Variants in CTTNBP2NL observed in about 807,000 individuals in gnomAD.
CTTNBP2NL encodes the protein CTTNBP2 N-terminal-like protein.
A neutral mutation model predicts 32.5 loss-of-function variants in CTTNBP2NL; 16 were observed. The observed-to-expected ratio is 0.49, with a 90% CI of 0.33 to 0.75. The LOEUF is 0.75. CTTNBP2NL is among the 30% of genes least tolerant of loss of function. The pLI is 0.02. For missense variants in CTTNBP2NL, 645 were observed against 756.0 expected (o/e 0.85, Z 1.72); for synonymous variants, 298 against 289.4 (o/e 1.03, Z -0.30).
At chr1:112,433,285 C>T (rs1649627594) in intron 3 of CTTNBP2NL, among the ~76,000 whole-genome samples, 1 of 151,938 alleles carries the variant, frequency 6.6e-6, no homozygotes, top group South Asian at 2.1e-4. Flanking sequence ...TGCGTGCATG[C>T]GTGCGTTTTG....
chr1:112,431,530 A>G (rs749443715), intron 3 of CTTNBP2NL, among the ~76,000 whole-genome samples: 23 of 152,228 alleles, frequency 1.5e-4, no homozygotes, highest in Middle Eastern at 3.2e-3. Flanking sequence ...GTTTTGTTAG[A>G]AAAGCATAGT....
intron 3 of CTTNBP2NL, among the ~76,000 whole-genome samples, chr1:112,418,152 T>C (rs557794200): frequency 2.6e-5 from 4 of 152,364 alleles, no homozygotes; most frequent in South Asian, 4.1e-4. Flanking sequence ...TTTAATCTTA[T>C]ATCTCTAAAC....
chr1:112,395,112 C>G (rs1648282978), upstream of CTTNBP2NL, among the ~76,000 whole-genome samples: 1 of 152,236 alleles, frequency 6.6e-6, no homozygotes, highest in African/African-American at 2.4e-5. Flanking sequence ...TAGGCAAGCA[C>G]TAGGTCCCTA....
intron 1 of CTTNBP2NL, among the ~76,000 whole-genome samples, chr1:112,411,028 T>C (rs931349445): frequency 6.6e-6 from 1 of 152,226 alleles, no homozygotes; most frequent in Non-Finnish European, 1.5e-5. Flanking sequence ...CTGAATATCC[T>C]TGGCCACATA....
chr1:112,410,695 A>C (rs1648832982), intron 1 of CTTNBP2NL, among the ~76,000 whole-genome samples: 1 of 152,224 alleles, frequency 6.6e-6, no homozygotes, highest in Non-Finnish European at 1.5e-5. Flanking sequence ...GAATTAGCTG[A>C]GCATTTAGTT....
chr1:112,446,394 T>A (rs1379180374), intron 3 of CTTNBP2NL, among the ~76,000 whole-genome samples: 1 of 151,820 alleles, frequency 6.6e-6, no homozygotes, highest in Non-Finnish European at 1.5e-5. Flanking sequence ...AAAAAAAAAA[T>A]TTGATACTTT....
chr1:112,441,930 A>G (rs558187371), intron 3 of CTTNBP2NL, among the ~76,000 whole-genome samples: 1 of 152,292 alleles, frequency 6.6e-6, no homozygotes, highest in African/African-American at 2.4e-5. Context: ...GTCTCCCGAA[A>G]AAAGAGATTA....
chr1:112,403,591 T>TA (rs1230450867), intron 1 of CTTNBP2NL, among the ~76,000 whole-genome samples: 2 of 152,198 alleles, frequency 1.3e-5, no homozygotes, highest in African/African-American at 4.8e-5. Flanking sequence ...TAATTTAATG[T>TA]AAAAAAATAG....
Position 112,459,826 on chromosome 1 carries a change from G to T in CTTNBP2NL, c.*2414G>T, listed in dbSNP as rs1254234897. 1 of 152,164 alleles carries T rather than the reference G, an allele frequency of 6.6e-6. No homozygotes were observed. Among genetic ancestry groups the T allele is most frequent in the Non-Finnish European group, 1.5e-5 (1 of 68,034 alleles). The allele number at this position is 152,164 out of a possible 1,614,324, so 9.4% of individuals were successfully genotyped here. A position where few individuals can be genotyped will look rare whatever the true frequency, so the allele number is the denominator to read the frequency against. On this transcript the variant is annotated 3_prime_UTR_variant, in exon 6 of 6. Transcript: ENST00000271277. ...TTTGGGATAGATATATATAGAGAGA[G>T]ATACTATAAGGAAGTTTATTTCTTA...
At chr1:112,429,637 A>G (rs1221719049) in intron 3 of CTTNBP2NL, among the ~76,000 whole-genome samples, 1 of 152,198 alleles carries the variant, frequency 6.6e-6, no homozygotes, top group African/African-American at 2.4e-5. Flanking sequence ...TACACAATGA[A>G]GTATATGTGT....
At position 112,437,547 on chromosome 1, in the gene CTTNBP2NL, G is replaced by A. The variant is rs190119205; in HGVS notation, c.100-11395G>A. 2.7e-3 allele frequency among the ~76,000 whole-genome samples: 416 copies of A among 151,654 alleles called. 2 individuals are homozygous for A. Among genetic ancestry groups the A allele is most frequent in the African/African-American group, 9.7e-3 (402 of 41,282 alleles). On this transcript the variant is annotated intron_variant, in intron 3 of 5. Transcript: ENST00000271277. ...TTTTTGTTTGTTTTTGTTTTGAGAC[G>A]GAGTCTCACTCTGTCACCCAGGCTG... is the stretch of plus-strand genomic sequence containing the variant.
chr1:112,404,113 G>A (rs1396372211), intron 1 of CTTNBP2NL, among the ~76,000 whole-genome samples: 2 of 152,212 alleles, frequency 1.3e-5, no homozygotes, highest in Non-Finnish European at 2.9e-5. Flanking sequence ...GGATGAAAGA[G>A]CAAGTGGCAG....
intron 1 of CTTNBP2NL, among the ~76,000 whole-genome samples, chr1:112,398,516 T>G (rs1010939474): frequency 6.6e-6 from 1 of 152,202 alleles, no homozygotes; most frequent in African/African-American, 2.4e-5. Flanking sequence ...TGAAAGGCAA[T>G]GTACTGATTA....
chr1:112,421,585 G>C (rs1649232548), intron 3 of CTTNBP2NL, among the ~76,000 whole-genome samples: 1 of 147,404 alleles, frequency 6.8e-6, no homozygotes. Context: ...ACAGGCATGA[G>C]CCACTGTGCC....
intron 4 of CTTNBP2NL, 65 bp from the exon 5 acceptor site, chr1:112,454,384 A>T: frequency 8.3e-7 from 1 of 1,208,730 alleles, no homozygotes; most frequent in Non-Finnish European, 1.2e-6. Context: ...GGCACTTATT[A>T]TTGGTTGTAT....
chr1:112,438,748 T>C (rs1467747237), intron 3 of CTTNBP2NL, among the ~76,000 whole-genome samples: 2 of 152,198 alleles, frequency 1.3e-5, no homozygotes, highest in African/African-American at 4.8e-5. Flanking sequence ...AGGTTGGGAT[T>C]ACTTGGACCT....
intron 3 of CTTNBP2NL, among the ~76,000 whole-genome samples, chr1:112,426,933 T>C (rs1649424628): frequency 6.6e-6 from 1 of 152,130 alleles, no homozygotes; most frequent in Non-Finnish European, 1.5e-5. Context: ...AATAGTAATT[T>C]AAAAATCATA....
rs1453155171 is a variant in CTTNBP2NL, at chr1:112,459,642, A to G, written c.*2230A>G. ...GGGGTATCTTAAACTGTCCAAGGCA[A>G]TCATGCATTGAACTTTATTCCTATG... is the stretch of plus-strand genomic sequence containing the variant. On this transcript the variant is annotated 3_prime_UTR_variant, in exon 6 of 6. Transcript: ENST00000271277. 6.6e-6 allele frequency: 1 copy of G among 152,360 alleles called. No individual in the cohort carries two copies. The highest frequency in any genetic ancestry group is 2.1e-4 in the South Asian group (1 of 4,830). 9.4% of individuals were successfully genotyped at this position (152,360 alleles called of 1,614,324 possible). A position where few individuals can be genotyped will look rare whatever the true frequency, so the allele number is the denominator to read the frequency against.
the CTTNBP2NL span, among the ~76,000 whole-genome samples, chr1:112,391,172 G>C: frequency 2.0e-5 from 3 of 152,342 alleles, no homozygotes; most frequent in East Asian, 5.8e-4. Flanking sequence ...AGAAATGCAG[G>C]GGGCAGTGGA....
Sources: allele counts gnomAD v4.1 joint callset (sites outside exome capture counted in the v4.1 genomes callset), GRCh38; gene constraint gnomAD v4.1.1; transcripts MANE v1.5; gene names NCBI Gene and HGNC (gene_info 2026-07-23, HGNC 2026-07-21).